FAM219B: variants seen among roughly 807,000 people sequenced by gnomAD.
FAM219B encodes protein FAM219B.
Under a neutral mutation model 19.9 loss-of-function variants are expected in FAM219B, and 18 were observed. The ratio of observed to expected loss-of-function variants is 0.91; its 90% CI spans 0.63 to 1.34. FAM219B has a LOEUF of 1.34. Ranked by LOEUF, FAM219B falls within the 40% of genes most tolerant of loss-of-function variation. The pLI, the probability that FAM219B is intolerant of heterozygous loss-of-function variation, is 0.00. For missense variants in FAM219B, 283 were observed against 270.5 expected, an observed-to-expected ratio of 1.05 and a Z score of -0.32; for synonymous variants, 123 against 117.5, an observed-to-expected ratio of 1.05 and a Z score of -0.30.
At chr15:74,903,110 A>C (rs4886634) in intron 4 of FAM219B, among the ~76,000 whole-genome samples, 8 of 152,216 alleles carry the variant, frequency 5.3e-5, no homozygotes, top group Admixed American at 2.0e-4. Context: ...GGGAGCCCAG[A>C]CTAGTCCCTA....
At chr15:74,904,984 A>C in intron 3 of FAM219B, 170 bp downstream of exon 3, 2 of 1,540,906 alleles carry the variant, frequency 1.3e-6, no homozygotes, top group Non-Finnish European at 1.7e-6. Flanking sequence ...ACGATTACCT[A>C]TGAGTCTTCT....
downstream of FAM219B, chr15:74,898,576 A>T (rs1473798610): frequency 2.0e-5 from 3 of 149,850 alleles, no homozygotes; most frequent in East Asian, 2.0e-4. Context: ...CTCGGTCTGT[A>T]GCCCAGGCTG....
At position 74,902,081 on chromosome 15, in the gene FAM219B, G is replaced by A. The variant is rs1444705109; in HGVS notation, c.*538C>T. 5.0e-6 allele frequency: 2 copies of A among 398,496 alleles called. No individual in the cohort carries two copies. Among genetic ancestry groups the A allele is most frequent in the Non-Finnish European group, 8.8e-6 (2 of 226,078 alleles). 24.7% of individuals were successfully genotyped at this position (398,496 alleles called of 1,614,324 possible). Reference sequence around the variant, plus strand: ...GGTGCAACCTGAAGAGGGACAAAAGGACTCACTTTATGCTGTCTTGAAGGT... The same window carrying A: ...GGTGCAACCTGAAGAGGGACAAAAGAACTCACTTTATGCTGTCTTGAAGGT... On this transcript the variant is annotated 3_prime_UTR_variant, in exon 5 of 5. Coordinates refer to ENST00000357635, the MANE Select transcript of FAM219B (RefSeq NM_020447.5).
chr15:74,906,629 GC>G lies in FAM219B; in HGVS notation c.171del (p.Pro58HisfsTer4). On this transcript the variant is annotated frameshift_variant, in exon 1 of 5. Transcript: ENST00000357635. LOFTEE classifies it high-confidence loss of function. The part of the protein sequence containing the change: ...ERTPAAVEKR[G>X]PYMVTRAPSI... ...GAGGGTGCGCGCGTCACCATGTATGGCCCCCGCTTTTCCACGGCCGCGGGGG... is the reference window on the plus strand; with the variant it reads ...GAGGGTGCGCGCGTCACCATGTATGGCCCCGCTTTTCCACGGCCGCGGGGG... 2.0e-6 allele frequency: 3 copies of G among 1,508,560 alleles called. No homozygotes were observed. The highest frequency in any genetic ancestry group is 1.4e-5 in the South Asian group (1 of 73,736). 93.4% of individuals were successfully genotyped at this position (1,508,560 alleles called of 1,614,324 possible). A position where few individuals can be genotyped will look rare whatever the true frequency, so the allele number is the denominator to read the frequency against.
intron 2 of FAM219B, 24 bp from the exon 3 acceptor site, chr15:74,905,255 G>T: frequency 6.2e-7 from 1 of 1,610,018 alleles, no homozygotes; most frequent in Non-Finnish European, 8.5e-7. Flanking sequence ...GGGGAGAAGA[G>T]ACCAAACATA....
chr15:74,906,393 G>A lies in FAM219B; in HGVS notation c.215-28C>T, dbSNP rs764382591. 9 of 1,588,410 alleles carry A rather than the reference G, an allele frequency of 5.7e-6. No individual in the cohort carries two copies. In the Admixed American group the frequency reaches 7.1e-5, roughly 13 times the overall value. Reference sequence around the variant, plus strand: ...GGAAGTTAAAGGACCCGGGTCAGCCGGGTCTTCCCCACTCCGCCGCGTCTC... The same window carrying A: ...GGAAGTTAAAGGACCCGGGTCAGCCAGGTCTTCCCCACTCCGCCGCGTCTC... On this transcript the variant is annotated intron_variant, in intron 1 of 4. Transcript: ENST00000357635.
At chr15:74,899,149 G>A (rs928268194), downstream of FAM219B, 1 of 152,202 alleles carries the variant, frequency 6.6e-6, no homozygotes, top group African/African-American at 2.4e-5. Context: ...ATCTCCTGAT[G>A]CCCTGCTCCA....
intron 1 of FAM219B, 47 bp from the exon 2 acceptor site, chr15:74,906,412 G>GC: frequency 8.9e-6 from 14 of 1,570,916 alleles, no homozygotes; most frequent in Non-Finnish European, 1.2e-5. Context: ...CCACTCCGCC[G>GC]CGTCTCCCGA....
chr15:74,899,045 G>A (rs996694425), downstream of FAM219B: 2 of 152,264 alleles, frequency 1.3e-5, no homozygotes, highest in Non-Finnish European at 2.9e-5. Flanking sequence ...AACTGTTGCA[G>A]ATTACAGGGA....
chr15:74,906,487 TCCCTCC>T, intron 1 of FAM219B, 94 bp downstream of exon 1: 1 of 1,506,822 alleles, frequency 6.6e-7, no homozygotes, highest in East Asian at 2.5e-5. Flanking sequence ...GCTAACCCCT[TCCCTCC>T]GGGGCCGAGG....
At position 74,906,369 on chromosome 15, in the gene FAM219B, G is replaced by C; in HGVS notation, c.215-4C>G. On this transcript the variant is annotated splice_polypyrimidine_tract_variant and splice_region_variant and intron_variant, in intron 1 of 4. Coordinates refer to ENST00000357635, the MANE Select transcript of FAM219B (RefSeq NM_020447.5). Reference sequence around the variant, plus strand: ...TTGGCCAGGTCCCGGTGCTTCTCTGGAAGTTAAAGGACCCGGGTCAGCCGG... The same window carrying C: ...TTGGCCAGGTCCCGGTGCTTCTCTGCAAGTTAAAGGACCCGGGTCAGCCGG... The C allele has an allele frequency of 6.2e-7, 1 of 1,607,666 alleles. No homozygotes were observed. Among genetic ancestry groups the C allele is most frequent in the Non-Finnish European group, 8.5e-7 (1 of 1,177,396 alleles).
In FAM219B at chr15:74,906,772, G is replaced by A. The variant is rs2065217906; in HGVS notation, c.29C>T (p.Ala10Val). The change falls in exon 1 of 5, where the codon GCG becomes GTG. Residue 10 changes from alanine to valine, a missense_variant. Transcript: ENST00000357635. MATAEPSGR[A>V]LRLSTPGPRP... is the part of the protein sequence containing the mutation. ...GGGTCCCGGGGTAGACAACCGCAAC[G>A]CGCGCCCGCTGGGCTCCGCGGTCGC... The A allele has an allele frequency of 1.5e-6, 2 of 1,293,096 alleles. No individual in the cohort carries two copies. The highest frequency in any genetic ancestry group is 2.0e-6 in the Non-Finnish European group (2 of 1,019,810). The allele number at this position is 1,293,096 out of a possible 1,614,324, so 80.1% of individuals were successfully genotyped here. A position where few individuals can be genotyped will look rare whatever the true frequency, so the allele number is the denominator to read the frequency against.
Position 74,901,397 on chromosome 15 carries a change from G to T in FAM219B, c.*1222C>A, listed in dbSNP as rs151085103. 6.6e-6 allele frequency: 1 copy of T among 152,116 alleles called. No individual in the cohort carries two copies. The highest frequency in any genetic ancestry group is 6.5e-5 in the Admixed American group (1 of 15,274). The allele number at this position is 152,116 out of a possible 1,614,324, so 9.4% of individuals were successfully genotyped here. ...TATACTCTCCAATTTGTGGGTAGGG[G>T]GTGTCACAGCAGAAATTATGCCTAT... On this transcript the variant is annotated 3_prime_UTR_variant, in exon 5 of 5. Coordinates refer to ENST00000357635, the MANE Select transcript of FAM219B (RefSeq NM_020447.5).
chr15:74,906,615 C>T lies in FAM219B; in HGVS notation c.186G>A (p.Thr62=). 4.0e-6 allele frequency: 6 copies of T among 1,509,406 alleles called. No homozygotes were observed. The South Asian group carries it at 8.1e-5, about 20-fold the overall frequency. The allele number at this position is 1,509,406 out of a possible 1,614,324, so 93.5% of individuals were successfully genotyped here. Residue 62 remains threonine, a synonymous_variant, in exon 1 of 5, where the codon ACG becomes ACA. Coordinates refer to ENST00000357635, the MANE Select transcript of FAM219B (RefSeq NM_020447.5). ...AVEKRGPYMV[T]RAPSIQAKLQ... is the part of the protein sequence containing the mutation. ...GCTTGGCTTGAATGGAGGGTGCGCG[C>T]GTCACCATGTATGGCCCCCGCTTTT...
At chr15:74,906,547 C>T in intron 1 of FAM219B, 40 bp downstream of exon 1, 1 of 1,472,826 alleles carries the variant, frequency 6.8e-7, no homozygotes, top group Non-Finnish European at 9.0e-7. Context: ...CGGCCGCCCG[C>T]CCAGGGAGAA....
chr15:74,906,449 G>T (rs1489719244), intron 1 of FAM219B, 84 bp from the exon 2 acceptor site: 33 of 1,544,714 alleles, frequency 2.1e-5, no homozygotes, highest in Non-Finnish European at 2.9e-5. Flanking sequence ...CTTTCCGAAC[G>T]GATTTTGAGG....
At position 74,906,620 on chromosome 15, in the gene FAM219B, C is replaced by A; in HGVS notation, c.181G>T (p.Val61Leu). The stretch of plus-strand genomic sequence containing the variant: ...GCTTGAATGGAGGGTGCGCGCGTCA[C>A]CATGTATGGCCCCCGCTTTTCCACG... ...AAVEKRGPYM[V>L]TRAPSIQAKL... is the part of the protein sequence containing the mutation. Residue 61 changes from valine (V) to leucine (L), a missense_variant, in exon 1 of 5, where the codon GTG becomes TTG. Val to Leu is a conservative substitution (Grantham distance 32, BLOSUM62 1). Transcript: ENST00000357635. The A allele has an allele frequency of 6.6e-7, 1 of 1,508,356 alleles. No homozygotes were observed. Among genetic ancestry groups the A allele is most frequent in the East Asian group, 2.3e-5 (1 of 42,754 alleles). The allele number at this position is 1,508,356 out of a possible 1,614,324, so 93.4% of individuals were successfully genotyped here.
In FAM219B at chr15:74,902,186, T is replaced by C. The variant is rs2064988064; in HGVS notation, c.*433A>G. 5.0e-6 allele frequency: 2 copies of C among 398,758 alleles called. No homozygotes were observed. Among genetic ancestry groups the C allele is most frequent in the Non-Finnish European group, 8.8e-6 (2 of 226,114 alleles). The allele number at this position is 398,758 out of a possible 1,614,324, so 24.7% of individuals were successfully genotyped here. On this transcript the variant is annotated 3_prime_UTR_variant, in exon 5 of 5. Coordinates refer to ENST00000357635, the MANE Select transcript of FAM219B (RefSeq NM_020447.5). ...AACTGGTCTCAAACAGTTTCTTTTT[T>C]GGATTGCCAGCTATAATAAACCATA...
rs1443970208 is a variant in FAM219B, at chr15:74,901,500, A to G, written c.*1119T>C. The G allele has an allele frequency of 6.6e-6, 1 of 152,222 alleles. No individual in the cohort carries two copies. Among genetic ancestry groups the G allele is most frequent in the Admixed American group, 6.5e-5 (1 of 15,272 alleles). 9.4% of individuals were successfully genotyped at this position (152,222 alleles called of 1,614,324 possible). A position where few individuals can be genotyped will look rare whatever the true frequency, so the allele number is the denominator to read the frequency against. On this transcript the variant is annotated 3_prime_UTR_variant, in exon 5 of 5. Transcript: ENST00000357635. ...GCTTAAAGCCCAATCCTGAGTATCC[A>G]GTAAGGCCCATGCTGTGACCAGAAG... is the stretch of plus-strand genomic sequence containing the variant.
Sources: gnomAD v4.1 joint callset for allele counts (sites outside exome capture counted in the v4.1 genomes callset) on GRCh38, gnomAD v4.1.1 for gene constraint, MANE v1.5 for transcripts, NCBI Gene and HGNC (gene_info 2026-07-23, HGNC 2026-07-21) for gene names.